The following ZNF385B variants were observed in gnomAD, a reference collection of about 807,000 sequenced individuals.
ZNF385B encodes zinc finger protein 385B.
Under a neutral mutation model 39.2 loss-of-function variants are expected in ZNF385B, and 23 were observed. The ratio of observed to expected loss-of-function variants is 0.59; its 90% CI spans 0.42 to 0.83. ZNF385B has a LOEUF of 0.83. Among genes scored for constraint, ZNF385B ranks in the 40% least tolerant of loss-of-function variants. The probability of loss-of-function intolerance (pLI) is 0.00; values close to 1 mark genes in which losing one functional copy is unlikely to be tolerated. For synonymous variants in ZNF385B, 205 were observed against 222.6 expected (o/e 0.92, Z 0.70); for missense variants, 552 against 598.9 (o/e 0.92, Z 0.82).
At chr2:179,771,493 C>A (rs771337344) in intron 1 of ZNF385B, among the ~76,000 whole-genome samples, 2 of 151,708 alleles carry the variant, frequency 1.3e-5, no homozygotes, top group Non-Finnish European at 2.9e-5. Flanking sequence ...CAAAATTTTC[C>A]AAGTCAATCT....
chr2:179,822,400 T>A (rs564596549), intron 1 of ZNF385B, among the ~76,000 whole-genome samples: 23 of 152,376 alleles, frequency 1.5e-4, no homozygotes, highest in African/African-American at 5.5e-4. Flanking sequence ...CAAAAATAAA[T>A]ACTACCATTT....
At chr2:179,487,228 T>C (rs2054669698) in intron 5 of ZNF385B, among the ~76,000 whole-genome samples, 2 of 152,254 alleles carry the variant, frequency 1.3e-5, no homozygotes, top group African/African-American at 2.4e-5. Flanking sequence ...AAACTCTCCA[T>C]AGCCATGATC....
intron 3 of ZNF385B, among the ~76,000 whole-genome samples, chr2:179,688,853 G>A (rs1247818597): frequency 6.6e-6 from 1 of 152,142 alleles, no homozygotes; most frequent in Non-Finnish European, 1.5e-5. Flanking sequence ...TGGTAACCAT[G>A]ATAAATACAT....
intron 3 of ZNF385B, among the ~76,000 whole-genome samples, chr2:179,601,906 G>A (rs967485958): frequency 6.6e-6 from 1 of 152,134 alleles, no homozygotes; most frequent in African/African-American, 2.4e-5. Context: ...GATCTGCTAT[G>A]CTTTTCACTA....
chr2:179,833,664 C>T (rs1356023291), intron 1 of ZNF385B, among the ~76,000 whole-genome samples: 1 of 151,790 alleles, frequency 6.6e-6, no homozygotes, highest in Non-Finnish European at 1.5e-5. Context: ...ACTGAATATG[C>T]CTTTTTATAC....
intron 1 of ZNF385B, among the ~76,000 whole-genome samples, chr2:179,829,063 A>C (rs987011543): frequency 9.9e-5 from 15 of 152,176 alleles, no homozygotes; most frequent in African/African-American, 3.6e-4. Context: ...ACAACTATTT[A>C]AACAAGAGCA....
intron 3 of ZNF385B, among the ~76,000 whole-genome samples, chr2:179,607,197 A>G (rs1226581176): frequency 6.6e-6 from 1 of 152,176 alleles, no homozygotes; most frequent in Non-Finnish European, 1.5e-5. Flanking sequence ...ACATGTATCA[A>G]TAAATGTGGG....
At chr2:179,830,210 T>C (rs1340772789) in intron 1 of ZNF385B, among the ~76,000 whole-genome samples, 1 of 152,220 alleles carries the variant, frequency 6.6e-6, no homozygotes, top group African/African-American at 2.4e-5. Flanking sequence ...TTAGGATGGC[T>C]AAAAAACTGA....
chr2:179,644,965 G>A (rs1692588616), intron 3 of ZNF385B, among the ~76,000 whole-genome samples: 1 of 152,184 alleles, frequency 6.6e-6, no homozygotes, highest in Non-Finnish European at 1.5e-5. Flanking sequence ...TTTTAAAAAT[G>A]TAACATATAT....
intron 1 of ZNF385B, among the ~76,000 whole-genome samples, chr2:179,796,788 A>G (rs896130695): frequency 3.3e-5 from 5 of 152,198 alleles, no homozygotes; most frequent in Non-Finnish European, 7.3e-5. Context: ...TGGACTGTTC[A>G]GGCTGAACAG....
intron 3 of ZNF385B, among the ~76,000 whole-genome samples, chr2:179,611,511 G>T (rs530414031): frequency 6.6e-6 from 1 of 152,192 alleles, no homozygotes; most frequent in Non-Finnish European, 1.5e-5. Context: ...CTCTGTTACT[G>T]ATGTGTCTTT....
Position 179,518,762 on chromosome 2 carries a change from AAG to A in ZNF385B, c.442-126_442-125del, listed in dbSNP as rs1465570146. On this transcript the variant is annotated intron_variant, in intron 4 of 9. Coordinates refer to ENST00000410066, the MANE Select transcript of ZNF385B (RefSeq NM_152520.6). ...TTTTAGTTCCTAAACAAAGATAATA[AAG>A]AGTCTCCTTCAACAGTAATATATTT... The A allele has an allele frequency of 7.5e-6, 4 of 535,716 alleles. No homozygotes were observed. The East Asian group carries it at 1.3e-4, about 17-fold the overall frequency. The allele number at this position is 535,716 out of a possible 1,614,324, so 33.2% of individuals were successfully genotyped here.
chr2:179,791,636 A>G (rs532412379), intron 1 of ZNF385B, among the ~76,000 whole-genome samples: 2 of 152,270 alleles, frequency 1.3e-5, no homozygotes, highest in Non-Finnish European at 2.9e-5. Context: ...ATTTTAATGC[A>G]GTATTTTTAG....
intron 1 of ZNF385B, among the ~76,000 whole-genome samples, chr2:179,834,841 T>C (rs927830959): frequency 6.6e-6 from 1 of 152,212 alleles, no homozygotes; most frequent in African/African-American, 2.4e-5. Flanking sequence ...TGGTATTATA[T>C]ACTATGAAGG....
At chr2:179,667,546 T>C (rs923301358) in intron 3 of ZNF385B, among the ~76,000 whole-genome samples, 1 of 152,140 alleles carries the variant, frequency 6.6e-6, no homozygotes, top group Admixed American at 6.5e-5. Context: ...GGACCAGGTG[T>C]GGGTCACTGA....
chr2:179,820,434 C>A (rs556861459), intron 1 of ZNF385B, among the ~76,000 whole-genome samples: 5 of 151,842 alleles, frequency 3.3e-5, no homozygotes, highest in Non-Finnish European at 5.9e-5. Context: ...TGATTTTAAA[C>A]CAGGCTTAGT....
chr2:179,479,209 T>C (rs896911719), intron 6 of ZNF385B, among the ~76,000 whole-genome samples: 6 of 152,218 alleles, frequency 3.9e-5, no homozygotes, highest in African/African-American at 7.2e-5. Flanking sequence ...TAATGAAATA[T>C]ATCTAATTTT....
At chr2:179,616,962 C>G (rs903538189) in intron 3 of ZNF385B, among the ~76,000 whole-genome samples, 1 of 152,156 alleles carries the variant, frequency 6.6e-6, no homozygotes, top group African/African-American at 2.4e-5. Context: ...TTACAAAAAG[C>G]TGCATCTCAG....
At chr2:179,720,855 G>A (rs1700643264) in intron 3 of ZNF385B, among the ~76,000 whole-genome samples, 1 of 150,978 alleles carries the variant, frequency 6.6e-6, no homozygotes, top group Non-Finnish European at 1.5e-5. Flanking sequence ...GAATTCCTGG[G>A]CTCAAGTGAT....
Sources: gnomAD v4.1 joint callset for allele counts (sites outside exome capture counted in the v4.1 genomes callset) on GRCh38, gnomAD v4.1.1 for gene constraint, MANE v1.5 for transcripts, NCBI Gene and HGNC (gene_info 2026-07-23, HGNC 2026-07-21) for gene names.